The following GALNT14 variants were observed in gnomAD, a reference collection of about 807,000 sequenced individuals.
The protein encoded by GALNT14 is UDP-GalNAc:polypeptide N-acetylgalactosaminyltransferase 14.
Under a neutral mutation model 77.5 loss-of-function variants are expected in GALNT14, and 60 were observed. The observed-to-expected ratio is 0.77, with a 90% CI of 0.63 to 0.96. The LOEUF is 0.96. Ranked by LOEUF, GALNT14 falls within the 40% of genes least tolerant of loss-of-function variation. The pLI, the probability that GALNT14 is intolerant of heterozygous loss-of-function variation, is 0.00. For missense variants in GALNT14, 710 were observed against 731.0 expected (o/e 0.97, Z 0.33); for synonymous variants, 280 against 281.7 (o/e 0.99, Z 0.06).
intron 1 of GALNT14, among the ~76,000 whole-genome samples, chr2:30,995,962 A>T (rs1453650429): frequency 6.6e-6 from 1 of 152,228 alleles, no homozygotes; most frequent in Non-Finnish European, 1.5e-5. Flanking sequence ...GTCTGAACGC[A>T]GGAAAAGCCA....
chr2:31,045,309 G>T (rs1015231937), intron 1 of GALNT14, among the ~76,000 whole-genome samples: 1 of 152,112 alleles, frequency 6.6e-6, no homozygotes. Flanking sequence ...GCCAAATGAG[G>T]AAACACTGGT....
At chr2:31,081,980 A>G (rs1267662877) in intron 1 of GALNT14, among the ~76,000 whole-genome samples, 1 of 152,218 alleles carries the variant, frequency 6.6e-6, no homozygotes, top group Non-Finnish European at 1.5e-5. Context: ...CTTCCTAGTT[A>G]TAGGACACTC....
chr2:30,943,828 T>A (rs932544707), intron 8 of GALNT14, among the ~76,000 whole-genome samples: 38 of 152,224 alleles, frequency 2.5e-4, no homozygotes, highest in African/African-American at 8.7e-4. Context: ...ATCAGGTAGA[T>A]GAGACCAAGG....
chr2:30,908,290 A>C (rs1558391901), downstream of GALNT14, among the ~76,000 whole-genome samples: 6 of 152,354 alleles, frequency 3.9e-5, no homozygotes, highest in South Asian at 1.2e-3. Flanking sequence ...TGCAGATGAC[A>C]TGATTGTATA....
At chr2:31,113,865 T>A (rs150806955) in intron 1 of GALNT14, among the ~76,000 whole-genome samples, 114 of 148,052 alleles carry the variant, frequency 7.7e-4, no homozygotes, top group African/African-American at 2.7e-3. Context: ...CCTCATACAA[T>A]GGGCCCCAGT....
chr2:30,966,348 G>T, intron 2 of GALNT14, 46 bp from the exon 3 acceptor site: 1 of 1,418,784 alleles, frequency 7.0e-7, no homozygotes, highest in Non-Finnish European at 1.0e-6. Flanking sequence ...CAGGGACAAA[G>T]CATATCTGGA....
At chr2:30,887,801 T>C in the GALNT14 span, among the ~76,000 whole-genome samples, 1 of 152,230 alleles carries the variant, frequency 6.6e-6, no homozygotes, top group Non-Finnish European at 1.5e-5. Context: ...GTCATGAAGA[T>C]TTACTCCTAG....
chr2:31,025,824 A>G (rs746518310), intron 1 of GALNT14, among the ~76,000 whole-genome samples: 5 of 152,188 alleles, frequency 3.3e-5, no homozygotes, highest in Non-Finnish European at 5.9e-5. Flanking sequence ...GCCAACTCCA[A>G]CCAGAGTTGA....
intron 1 of GALNT14, among the ~76,000 whole-genome samples, chr2:31,079,283 A>G (rs1054598381): frequency 6.6e-6 from 1 of 152,148 alleles, no homozygotes; most frequent in African/African-American, 2.4e-5. Context: ...TGTATGGCAG[A>G]TGCACCTGAC....
At chr2:30,936,541 T>C (rs1372114653) in intron 9 of GALNT14, among the ~76,000 whole-genome samples, 17 of 152,230 alleles carry the variant, frequency 1.1e-4, no homozygotes, top group Admixed American at 1.1e-3. Flanking sequence ...TTTAAACCTC[T>C]GTCTGAGAAA....
chr2:31,130,428 G>C (rs1187103046), intron 1 of GALNT14, among the ~76,000 whole-genome samples: 1 of 152,208 alleles, frequency 6.6e-6, no homozygotes. Flanking sequence ...AGGACCCTGG[G>C]GCTGTATAGC....
intron 1 of GALNT14, among the ~76,000 whole-genome samples, chr2:31,008,173 C>T (rs1001333195): frequency 6.6e-6 from 1 of 152,172 alleles, no homozygotes; most frequent in African/African-American, 2.4e-5. Flanking sequence ...CAGCCACAAA[C>T]TCCTGGGCTC....
At chr2:31,061,937 A>T (rs1235919081) in intron 1 of GALNT14, among the ~76,000 whole-genome samples, 1 of 152,216 alleles carries the variant, frequency 6.6e-6, no homozygotes, top group African/African-American at 2.4e-5. Flanking sequence ...TAACCCTTGA[A>T]GACAGGATCA....
chr2:31,003,615 G>T (rs995391472), intron 1 of GALNT14, among the ~76,000 whole-genome samples: 2 of 151,968 alleles, frequency 1.3e-5, no homozygotes, highest in Admixed American at 6.6e-5. Context: ...CCACCACTTC[G>T]CCCATAAACA....
chr2:31,095,017 G>A (rs1375943622), intron 1 of GALNT14, among the ~76,000 whole-genome samples: 1 of 152,170 alleles, frequency 6.6e-6, no homozygotes, highest in Non-Finnish European at 1.5e-5. Flanking sequence ...TGTCAAGTCT[G>A]GAGTGAAGTC....
At chr2:30,978,228 T>A (rs1195244825) in intron 2 of GALNT14, among the ~76,000 whole-genome samples, 1 of 152,234 alleles carries the variant, frequency 6.6e-6, no homozygotes, top group Admixed American at 6.5e-5. Flanking sequence ...CTCCTCCAGC[T>A]GCCCAAACTG....
Position 31,021,796 on chromosome 2 carries a change from A to G in GALNT14, c.130-28789T>C, listed in dbSNP as rs75182639. Among the ~76,000 whole-genome samples, 915 of 152,348 alleles carry G rather than the reference A, an allele frequency of 6.0e-3. 60 individuals carry two copies. The East Asian group carries it at 0.15, about 26-fold the overall frequency. On this transcript the variant is annotated intron_variant, in intron 1 of 14. Coordinates refer to ENST00000349752, the MANE Select transcript of GALNT14 (RefSeq NM_024572.4). ...GGAAAAGTTTGTTGAGTCCTGGTGC[A>G]GCAGAAAGAGCACTGGCATGGAAGG...
intron 1 of GALNT14, among the ~76,000 whole-genome samples, chr2:31,105,767 C>A (rs1401439615): frequency 6.6e-6 from 1 of 151,938 alleles, no homozygotes; most frequent in Non-Finnish European, 1.5e-5. Flanking sequence ...GGTCTGAGTA[C>A]TCACCATGCA....
intron 3 of GALNT14, 49 bp from the exon 4 acceptor site, chr2:30,958,513 T>C (rs367719788): frequency 6.9e-7 from 1 of 1,456,710 alleles, no homozygotes; most frequent in Non-Finnish European, 9.6e-7. Flanking sequence ...AGTGGCAAAA[T>C]ATATGTACTA....
Sources: gnomAD v4.1 joint callset for allele counts (sites outside exome capture counted in the v4.1 genomes callset) on GRCh38, gnomAD v4.1.1 for gene constraint, MANE v1.5 for transcripts, NCBI Gene and HGNC (gene_info 2026-07-23, HGNC 2026-07-21) for gene names.